Variants in EFNA5 observed in about 807,000 individuals in gnomAD.
EFNA5 encodes the protein ephrin-A5.
A neutral mutation model predicts 22.9 loss-of-function variants in EFNA5; 5 were observed. The observed-to-expected ratio is 0.22, with a 90% CI of 0.11 to 0.46. The LOEUF (loss-of-function observed/expected upper bound fraction) is 0.46, where lower values mean the gene tolerates loss of function less well. EFNA5 is among the 20% of genes least tolerant of loss of function. The pLI is 0.99. For missense variants in EFNA5, 237 were observed against 293.3 expected, an observed-to-expected ratio of 0.81 and a Z score of 1.40; for synonymous variants, 113 against 112.2, an observed-to-expected ratio of 1.01 and a Z score of -0.04.
chr5:107,396,977 T>C (rs960948535), intron 2 of EFNA5, among the ~76,000 whole-genome samples: 10 of 152,116 alleles, frequency 6.6e-5, no homozygotes, highest in Admixed American at 3.9e-4. Flanking sequence ...ATGACAGTGA[T>C]GACACTAAAG....
rs1747387847 is a variant in EFNA5, at chr5:107,379,883, T to C, written c.*1372A>G. 6.6e-6 allele frequency: 1 copy of C among 152,186 alleles called. No individual in the cohort carries two copies. Among genetic ancestry groups the C allele is most frequent in the Non-Finnish European group, 1.5e-5 (1 of 68,036 alleles). 9.4% of individuals were successfully genotyped at this position (152,186 alleles called of 1,614,324 possible). A position where few individuals can be genotyped will look rare whatever the true frequency, so the allele number is the denominator to read the frequency against. ...CTCAGCATAAAGTATATCTAAATAATGTATTTTCTATTCTAGTGGATTTTT... is the reference window on the plus strand; with the variant it reads ...CTCAGCATAAAGTATATCTAAATAACGTATTTTCTATTCTAGTGGATTTTT... On this transcript the variant is annotated 3_prime_UTR_variant, in exon 5 of 5. Coordinates refer to ENST00000333274, the MANE Select transcript of EFNA5 (RefSeq NM_001962.3).
intron 1 of EFNA5, among the ~76,000 whole-genome samples, chr5:107,565,667 G>A (rs1266164999): frequency 1.3e-5 from 2 of 151,938 alleles, no homozygotes; most frequent in Non-Finnish European, 1.5e-5. Flanking sequence ...AATAATGCTA[G>A]GTATATATAT....
In EFNA5 at chr5:107,670,642, C is replaced by T. The variant is rs1417350377; in HGVS notation, c.-29G>A. The stretch of plus-strand genomic sequence containing the variant: ...GCCTGGCCAGCGGCGGAGCCCCCGA[C>T]GCGCCACTCCGGGGAGAGAGCGGGG... On this transcript the variant is annotated 5_prime_UTR_variant, in exon 1 of 5. Transcript: ENST00000333274. 2.1e-5 allele frequency: 34 copies of T among 1,593,586 alleles called. No individual in the cohort carries two copies. The highest frequency in any genetic ancestry group is 2.6e-5 in the Non-Finnish European group (31 of 1,170,894).
chr5:107,599,640 CAT>C (rs552264737), intron 1 of EFNA5, among the ~76,000 whole-genome samples: 159 of 152,238 alleles, frequency 1.0e-3, no homozygotes, highest in African/African-American at 3.5e-3. Flanking sequence ...CTTTTTATAA[CAT>C]GTAGTAATCA....
At chr5:107,480,585 G>C (rs1321841447) in intron 1 of EFNA5, among the ~76,000 whole-genome samples, 1 of 152,192 alleles carries the variant, frequency 6.6e-6, no homozygotes, top group Non-Finnish European at 1.5e-5. Flanking sequence ...GCATTCTAGT[G>C]GAGAGGGGAG....
chr5:107,478,247 A>C (rs1245575907), intron 1 of EFNA5, among the ~76,000 whole-genome samples: 1 of 152,188 alleles, frequency 6.6e-6, no homozygotes, highest in African/African-American at 2.4e-5. Flanking sequence ...AAGAGGAGGC[A>C]GGCAAGAGAT....
chr5:107,639,640 C>G (rs1414385546), intron 1 of EFNA5, among the ~76,000 whole-genome samples: 1 of 152,190 alleles, frequency 6.6e-6, no homozygotes, highest in Non-Finnish European at 1.5e-5. Context: ...CAGGGCTCAA[C>G]TCAGCAGTGT....
intron 1 of EFNA5, among the ~76,000 whole-genome samples, chr5:107,624,057 A>C (rs1750096136): frequency 6.6e-6 from 1 of 152,144 alleles, no homozygotes; most frequent in Non-Finnish European, 1.5e-5. Context: ...TTAAGACCCG[A>C]AATAGGCCTT....
intron 1 of EFNA5, among the ~76,000 whole-genome samples, chr5:107,660,849 G>T (rs1243071500): frequency 6.6e-6 from 1 of 152,122 alleles, no homozygotes; most frequent in East Asian, 1.9e-4. Context: ...ACAAAACCCT[G>T]TCAGAAGCAC....
intron 1 of EFNA5, among the ~76,000 whole-genome samples, chr5:107,591,039 AT>A (rs1749314326): frequency 6.7e-6 from 1 of 149,450 alleles, no homozygotes; most frequent in Non-Finnish European, 1.5e-5. Context: ...ATAATTTTTA[AT>A]TACTTAACAT....
intron 1 of EFNA5, among the ~76,000 whole-genome samples, chr5:107,433,769 T>C (rs1383868307): frequency 6.6e-6 from 1 of 151,880 alleles, no homozygotes; most frequent in Non-Finnish European, 1.5e-5. Context: ...GGCATAGTAG[T>C]GTGTGCCTGT....
At chr5:107,642,898 G>A (rs1750556522) in intron 1 of EFNA5, among the ~76,000 whole-genome samples, 1 of 146,570 alleles carries the variant, frequency 6.8e-6, no homozygotes, top group Non-Finnish European at 1.5e-5. Flanking sequence ...TGTTTTGTGT[G>A]TCATCTAAAA....
intron 1 of EFNA5, among the ~76,000 whole-genome samples, chr5:107,591,512 A>G (rs1476077818): frequency 6.6e-6 from 1 of 151,810 alleles, no homozygotes; most frequent in Non-Finnish European, 1.5e-5. Context: ...AATTTAACCC[A>G]TGGTAGATGC....
rs953506380 is a variant in EFNA5 at position 107,580,212 on chromosome 5, C to G, written c.125+90277G>C. Among the ~76,000 whole-genome samples, 3 of 152,138 alleles carry G rather than the reference C, an allele frequency of 2.0e-5. No individual in the cohort carries two copies. The East Asian group carries it at 5.8e-4, about 29-fold the overall frequency. On this transcript the variant is annotated intron_variant, in intron 1 of 4. Coordinates refer to ENST00000333274, the MANE Select transcript of EFNA5 (RefSeq NM_001962.3). ...ATTAAAAGTTAAATATCTGACAAGA[C>G]CTTATGAACACTGAAGAATGTTCCA...
chr5:107,670,193 G>T, intron 1 of EFNA5, among the ~76,000 whole-genome samples: 1 of 152,132 alleles, frequency 6.6e-6, no homozygotes, highest in South Asian at 2.1e-4. Flanking sequence ...GGGAAGCAGA[G>T]AAGTCCCTAC....
chr5:107,459,356 A>C (rs186603451), intron 1 of EFNA5, among the ~76,000 whole-genome samples: 104 of 150,974 alleles, frequency 6.9e-4, no homozygotes, highest in African/African-American at 2.4e-3. Flanking sequence ...CCATCTCAAA[A>C]AAAATCAATT....
At chr5:107,442,939 A>AC (rs1749294899) in intron 1 of EFNA5, among the ~76,000 whole-genome samples, 1 of 151,562 alleles carries the variant, frequency 6.6e-6, no homozygotes, top group African/African-American at 2.4e-5. Flanking sequence ...TAAAAAAAAA[A>AC]AAAAAAAAAA....
intron 1 of EFNA5, among the ~76,000 whole-genome samples, chr5:107,482,832 G>GTCTCTCTC (rs59574940): frequency 5.3e-5 from 5 of 94,056 alleles, no homozygotes; most frequent in African/African-American, 1.8e-4. Flanking sequence ...CTCTGTCTCT[G>GTCTCTCTC]TCTCTCTCTC....
At chr5:107,494,897 A>T (rs573730915) in intron 1 of EFNA5, among the ~76,000 whole-genome samples, 75 of 151,854 alleles carry the variant, frequency 4.9e-4, no homozygotes, top group African/African-American at 1.6e-3. Context: ...GTATCTAGCT[A>T]CTCTGGTGGG....
Sources: gnomAD v4.1 joint callset for allele counts (sites outside exome capture counted in the v4.1 genomes callset) on GRCh38, gnomAD v4.1.1 for gene constraint, MANE v1.5 for transcripts, NCBI Gene and HGNC (gene_info 2026-07-23, HGNC 2026-07-21) for gene names.